POLR3B: variants seen among roughly 807,000 people sequenced by gnomAD.
The protein encoded by POLR3B is DNA-directed RNA polymerase III subunit RPC2.
Under a neutral mutation model 147.4 loss-of-function variants are expected in POLR3B, and 96 were observed. The observed-to-expected ratio is 0.65, with a 90% CI of 0.55 to 0.77. The LOEUF is 0.77. Among genes scored for constraint, POLR3B ranks in the 30% least tolerant of loss-of-function variants. The pLI is 0.00. For synonymous variants in POLR3B, 461 were observed against 485.9 expected, an observed-to-expected ratio of 0.95 and a Z score of 0.67; for missense variants, 1,036 against 1,413.5, an observed-to-expected ratio of 0.73 and a Z score of 4.28.
chr12:106,438,044 C>T (rs753792322), intron 18 of POLR3B, among the ~76,000 whole-genome samples: 71 of 152,224 alleles, frequency 4.7e-4, no homozygotes, highest in Admixed American at 2.4e-3. Flanking sequence ...TCTTCCTCCC[C>T]CAACCCCCTA....
chr12:106,430,783 G>T lies in POLR3B; in HGVS notation c.1464+310G>T, dbSNP rs539662310. On this transcript the variant is annotated intron_variant, in intron 14 of 27. Coordinates refer to ENST00000228347, the MANE Select transcript of POLR3B (RefSeq NM_018082.6). ...GGGGATAAGACTGTGAAGGCAGATT[G>T]AAAGACCTACCACCTCTCATGCTCA... is the stretch of plus-strand genomic sequence containing the variant. Among the ~76,000 whole-genome samples the T allele has an allele frequency of 4.6e-5, 7 of 152,250 alleles. No individual in the cohort carries two copies. In the South Asian group the frequency reaches 1.2e-3, roughly 27 times the overall value.
chr12:106,501,194 A>G (rs1318707294), intron 25 of POLR3B, 129 bp from the exon 26 acceptor site: 24 of 719,520 alleles, frequency 3.3e-5, no homozygotes, highest in Non-Finnish European at 5.1e-5. Flanking sequence ...TTCATTCACT[A>G]CAGACTGAAA....
At chr12:106,392,888 C>A in intron 9 of POLR3B, 143 bp from the exon 10 acceptor site, 1 of 970,316 alleles carries the variant, frequency 1.0e-6, no homozygotes, top group Non-Finnish European at 1.5e-6. Flanking sequence ...GCAAGGCTGC[C>A]AATGCCAGAT....
Position 106,369,323 on chromosome 12 carries a change from T to G in POLR3B, c.276T>G (p.Asn92Lys), listed in dbSNP as rs1170681618. 1 of 1,601,018 alleles carries G rather than the reference T, an allele frequency of 6.2e-7. No homozygotes were observed. Reference sequence around the variant, plus strand: ...TTCCTGATGTTGAAGAAAGCTTCAATGTAACTAGACCAGTGTCCCCTCATG... The same window carrying G: ...TTCCTGATGTTGAAGAAAGCTTCAAGGTAACTAGACCAGTGTCCCCTCATG... ...VGLPDVEESF[N>K]VTRPVSPHEC... Residue 92 changes from asparagine to lysine, a missense_variant, in exon 5 of 28, where the codon AAT (asparagine) becomes AAG (lysine). Asn to Lys is a moderately conservative substitution (Grantham distance 94). Around this residue, in one of 12 missense-constraint regions of POLR3B, gnomAD observed 150 missense variants for 145.5 expected, o/e 1.03. Coordinates refer to ENST00000228347, the MANE Select transcript of POLR3B (RefSeq NM_018082.6).
intron 25 of POLR3B, among the ~76,000 whole-genome samples, chr12:106,497,762 T>G (rs1208144520): frequency 6.6e-6 from 1 of 152,242 alleles, no homozygotes; most frequent in Non-Finnish European, 1.5e-5. Context: ...GCTGACCGTT[T>G]AGGTGTGTTG....
At chr12:106,399,181 A>C (rs2037025224) in intron 10 of POLR3B, among the ~76,000 whole-genome samples, 1 of 152,256 alleles carries the variant, frequency 6.6e-6, no homozygotes, top group South Asian at 2.1e-4. Flanking sequence ...CTATGTGACG[A>C]ATGCAGAAGC....
intron 9 of POLR3B, among the ~76,000 whole-genome samples, chr12:106,382,758 G>A (rs1276758591): frequency 6.6e-6 from 1 of 152,196 alleles, no homozygotes; most frequent in Non-Finnish European, 1.5e-5. Flanking sequence ...CACATGCAGA[G>A]TAGATATAGC....
intron 12 of POLR3B, among the ~76,000 whole-genome samples, chr12:106,412,860 A>T (rs1224631384): frequency 6.6e-6 from 1 of 152,002 alleles, no homozygotes; most frequent in Non-Finnish European, 1.5e-5. Context: ...CCTTTTTACT[A>T]CTTTGATTTG....
intron 23 of POLR3B, among the ~76,000 whole-genome samples, chr12:106,467,458 T>C (rs1020847020): frequency 1.3e-5 from 2 of 152,228 alleles, no homozygotes; most frequent in Admixed American, 6.5e-5. Context: ...TTCTCTTGCC[T>C]GATTGCCCTG....
intron 10 of POLR3B, among the ~76,000 whole-genome samples, chr12:106,402,662 A>G (rs1347315586): frequency 1.3e-5 from 2 of 152,190 alleles, no homozygotes; most frequent in Non-Finnish European, 2.9e-5. Context: ...CCACATATCT[A>G]CAACTATCTG....
At chr12:106,405,083 T>TTA (rs761981670) in intron 10 of POLR3B, among the ~76,000 whole-genome samples, 1 of 152,184 alleles carries the variant, frequency 6.6e-6, no homozygotes, top group Non-Finnish European at 1.5e-5. Context: ...TTTCATTGAT[T>TTA]TATTTGTCTA....
In POLR3B at chr12:106,475,981, G is replaced by T. The variant is rs1289616016; in HGVS notation, c.2713+12361G>T. ...TAGTCTCGATGGTCTTTACATTTTG[G>T]CATGATTTTGCAGCGGCTGGTACCG... On this transcript the variant is annotated intron_variant, in intron 23 of 27. Coordinates refer to ENST00000228347, the MANE Select transcript of POLR3B (RefSeq NM_018082.6). 4.6e-5 allele frequency among the ~76,000 whole-genome samples: 7 copies of T among 150,582 alleles called. No individual in the cohort carries two copies. The East Asian group carries it at 1.4e-3, about 29-fold the overall frequency.
chr12:106,367,661 A>G (rs926950369), intron 4 of POLR3B, among the ~76,000 whole-genome samples: 7 of 152,158 alleles, frequency 4.6e-5, no homozygotes, highest in Non-Finnish European at 8.8e-5. Context: ...GTTCTCACTG[A>G]TTCGTATTGG....
At chr12:106,426,202 G>A (rs1206578815) in intron 12 of POLR3B, among the ~76,000 whole-genome samples, 1 of 150,506 alleles carries the variant, frequency 6.6e-6, no homozygotes, top group Non-Finnish European at 1.5e-5. Flanking sequence ...GCTGGAAATT[G>A]TAAGGGCAGG....
chr12:106,381,617 A>G (rs2036765016), intron 9 of POLR3B, among the ~76,000 whole-genome samples: 1 of 152,194 alleles, frequency 6.6e-6, no homozygotes, highest in African/African-American at 2.4e-5. Context: ...ATCTGCAGCT[A>G]CTTTCTTCAT....
chr12:106,477,871 C>T lies in POLR3B; in HGVS notation c.2713+14251C>T, dbSNP rs1219849940. On this transcript the variant is annotated intron_variant, in intron 23 of 27. Coordinates refer to ENST00000228347, the MANE Select transcript of POLR3B (RefSeq NM_018082.6). Reference sequence around the variant, plus strand: ...GCTGTAGACGGGAGCTGTTCCTATTCGGCCATCTTGGCTCCTCCCCTTTTT... The same window carrying T: ...GCTGTAGACGGGAGCTGTTCCTATTTGGCCATCTTGGCTCCTCCCCTTTTT... 5.3e-5 allele frequency among the ~76,000 whole-genome samples: 7 copies of T among 133,262 alleles called. No homozygotes were observed. In the South Asian group the frequency reaches 1.0e-3, roughly 20 times the overall value. 87.4% of individuals were successfully genotyped at this position (133,262 alleles called of 152,430 possible).
chr12:106,366,358 TAAATA>T (rs1201721200), intron 2 of POLR3B, among the ~76,000 whole-genome samples, 153 bp from the exon 3 acceptor site: 6 of 152,356 alleles, frequency 3.9e-5, no homozygotes, highest in East Asian at 1.9e-4. Context: ...AAAGATTTAT[TAAATA>T]AAATTCATGG....
Position 106,509,540 on chromosome 12 carries a change from C to T in POLR3B, c.3393C>T (p.Tyr1131=). Residue 1131 remains tyrosine, a synonymous_variant, in exon 28 of 28, where the codon TAC becomes TAT. Transcript: ENST00000228347. Reference sequence around the variant, plus strand: ...TCCCCAGGTTAAAACTGTCCAAGTACAATGAATGAGGATGGAAAAAATGAT... The same window carrying T: ...TCCCCAGGTTAAAACTGTCCAAGTATAATGAATGAGGATGGAAAAAATGAT... ...NIIPRLKLSK[Y]NE 3.1e-6 allele frequency: 5 copies of T among 1,612,246 alleles called. No individual in the cohort carries two copies. Among genetic ancestry groups the T allele is most frequent in the Non-Finnish European group, 4.2e-6 (5 of 1,178,446 alleles).
At chr12:106,453,760 C>G (rs1409193184) in intron 19 of POLR3B, among the ~76,000 whole-genome samples, 1 of 152,136 alleles carries the variant, frequency 6.6e-6, no homozygotes, top group African/African-American at 2.4e-5. Context: ...ATTCTGATTT[C>G]ATGTTCAGTT....
Sources: gnomAD v4.1 joint callset for allele counts (sites outside exome capture counted in the v4.1 genomes callset) on GRCh38, gnomAD v4.1.1 for gene constraint, gnomAD v4.1.1 regional missense constraint, MANE v1.5 for transcripts, NCBI Gene and HGNC (gene_info 2026-07-23, HGNC 2026-07-21) for gene names.